Variants in ERICH4 observed in about 807,000 individuals in gnomAD.
The protein encoded by ERICH4 is glutamate-rich protein 4.
In ERICH4, 4 loss-of-function variants were observed where a neutral mutation model predicts 5.2. The observed-to-expected ratio is 0.77, with a 90% CI of 0.38 to 1.76. The LOEUF (loss-of-function observed/expected upper bound fraction) is 1.76, where lower values mean the gene tolerates loss of function less well. Ranked by LOEUF, ERICH4 falls within the 40% of genes most tolerant of loss-of-function variation. The pLI, the probability that ERICH4 is intolerant of heterozygous loss-of-function variation, is 0.04. For synonymous variants in ERICH4, 75 were observed against 68.7 expected, an observed-to-expected ratio of 1.09 and a Z score of -0.45; for missense variants, 164 against 159.8, an observed-to-expected ratio of 1.03 and a Z score of -0.14.
chr19:41,444,485 G>A lies in ERICH4; in HGVS notation c.*261G>A. ...GCTTTCGCAGATGAGCCTCAGGTGTGCTGCTGAGATGGGGATCTCTGCAAA... is the reference window on the plus strand; with the variant it reads ...GCTTTCGCAGATGAGCCTCAGGTGTACTGCTGAGATGGGGATCTCTGCAAA... On this transcript the variant is annotated 3_prime_UTR_variant, in exon 2 of 2. Transcript: ENST00000378187. 1.9e-6 allele frequency: 1 copy of A among 535,168 alleles called. No individual in the cohort carries two copies. Among genetic ancestry groups the A allele is most frequent in the Non-Finnish European group, 3.4e-6 (1 of 296,216 alleles). The allele number at this position is 535,168 out of a possible 1,614,324, so 33.2% of individuals were successfully genotyped here. A position where few individuals can be genotyped will look rare whatever the true frequency, so the allele number is the denominator to read the frequency against.
At position 41,443,252 on chromosome 19, in the gene ERICH4, C is replaced by T. The variant is rs1678887489; in HGVS notation, c.83C>T (p.Ser28Phe). 2 of 1,436,454 alleles carry T rather than the reference C, an allele frequency of 1.4e-6. No individual in the cohort carries two copies. Among genetic ancestry groups the T allele is most frequent in the Non-Finnish European group, 9.2e-7 (1 of 1,089,032 alleles). 89.0% of individuals were successfully genotyped at this position (1,436,454 alleles called of 1,614,324 possible). ...GPPPQALREV[S>F]PVEIPGQTLR... ...CCCCCCCAGGCCCTGAGGGAGGTCT[C>T]CCCAGTGGAAATCCCTGGTCAGACC... Residue 28 changes from serine (S) to phenylalanine (F), a missense_variant, in exon 1 of 2, where the codon TCC becomes TTC. Coordinates refer to ENST00000378187, the MANE Select transcript of ERICH4 (RefSeq NM_001130514.3).
At position 41,443,234 on chromosome 19, in the gene ERICH4, A is replaced by T; in HGVS notation, c.65A>T (p.Gln22Leu). 1.4e-6 allele frequency: 2 copies of T among 1,460,706 alleles called. No homozygotes were observed. The highest frequency in any genetic ancestry group is 1.8e-6 in the Non-Finnish European group (2 of 1,102,486). 90.5% of individuals were successfully genotyped at this position (1,460,706 alleles called of 1,614,324 possible). ...LVPPGLGPPP[Q>L]ALREVSPVEI... ...CCTCCGGGGCTGGGCCCACCCCCCC[A>T]GGCCCTGAGGGAGGTCTCCCCAGTG... The change falls in exon 1 of 2, where the codon CAG becomes CTG. Residue 22 changes from glutamine to leucine, a missense_variant. Gln to Leu is a moderately radical substitution (Grantham distance 113). Coordinates refer to ENST00000378187, the MANE Select transcript of ERICH4 (RefSeq NM_001130514.3).
At chr19:41,443,889 G>T (rs59910131) in intron 1 of ERICH4, 117 bp from the exon 2 acceptor site, 30,323 of 700,892 alleles carry the variant, frequency 0.043, 1,364 homozygotes, top group African/African-American at 0.19. Flanking sequence ...GCACAGTGAG[G>T]ACCCTGCCCA....
chr19:41,443,816 CAAAG>C, intron 1 of ERICH4, 186 bp from the exon 2 acceptor site: 1 of 585,878 alleles, frequency 1.7e-6, no homozygotes, highest in Non-Finnish European at 3.0e-6. Flanking sequence ...AATGGAGAGA[CAAAG>C]AGAAGAGTTA....
In ERICH4 at chr19:41,443,985, ACGT is replaced by A; in HGVS notation, c.175-19_175-17del. On this transcript the variant is annotated intron_variant, in intron 1 of 1. Transcript: ENST00000378187. ...TGCTCTCTGGGGTGGCATCCCTGTG[ACGT>A]CCCCTTCCTACTGGCAGGGGAACCT... is the stretch of plus-strand genomic sequence containing the variant. 6.5e-7 allele frequency: 1 copy of A among 1,541,538 alleles called. No homozygotes were observed. The highest frequency in any genetic ancestry group is 1.2e-5 in the South Asian group (1 of 83,590).
chr19:41,443,729 G>A (rs2040138762), intron 1 of ERICH4, among the ~76,000 whole-genome samples: 1 of 152,126 alleles, frequency 6.6e-6, no homozygotes, highest in Non-Finnish European at 1.5e-5. Context: ...AATAAATGGG[G>A]ACAGAGACAA....
In ERICH4 at chr19:41,443,219, T is replaced by G; in HGVS notation, c.50T>G (p.Leu17Arg). The change falls in exon 1 of 2, where the codon CTG becomes CGG. Residue 17 changes from leucine to arginine, a missense_variant. Transcript: ENST00000378187. ...LNQAGLVPPG[L>R]GPPPQALREV... ...CAGGCTGGACTGGTGCCTCCGGGGC[T>G]GGGCCCACCCCCCCAGGCCCTGAGG... 1 of 1,478,414 alleles carries G rather than the reference T, an allele frequency of 6.8e-7. No homozygotes were observed. Among genetic ancestry groups the G allele is most frequent in the East Asian group, 2.8e-5 (1 of 35,370 alleles). 91.6% of individuals were successfully genotyped at this position (1,478,414 alleles called of 1,614,324 possible).
At position 41,443,309 on chromosome 19, in the gene ERICH4, CCTGCGATAG is replaced by C; in HGVS notation, c.141_149del (p.Cys48_Ser50del). ...ACTGCAGGGGCAGACACTGGAGGTG[CCTGCGATAG>C]TCTGCTGTGGATCAGGGAGGAGCTG... On this transcript the variant is annotated inframe_deletion, in exon 1 of 2. Transcript: ENST00000378187. The C allele has an allele frequency of 7.6e-7, 1 of 1,316,284 alleles. No homozygotes were observed. The highest frequency in any genetic ancestry group is 9.8e-7 in the Non-Finnish European group (1 of 1,021,432). The allele number at this position is 1,316,284 out of a possible 1,614,324, so 81.5% of individuals were successfully genotyped here.
At position 41,443,168 on chromosome 19, in the gene ERICH4, C is replaced by T. The variant is rs782775657; in HGVS notation, c.-2C>T. 2.0e-5 allele frequency: 29 copies of T among 1,460,900 alleles called. No individual in the cohort carries two copies. In the African/African-American group the frequency reaches 2.3e-4, roughly 12 times the overall value. The allele number at this position is 1,460,900 out of a possible 1,614,324, so 90.5% of individuals were successfully genotyped here. A position where few individuals can be genotyped will look rare whatever the true frequency, so the allele number is the denominator to read the frequency against. Reference sequence around the variant, plus strand: ...GCTCCTTGCAGCCATAGCTCAGAGACGATGGAACTGTGGAGGCAGCTGAAT... The same window carrying T: ...GCTCCTTGCAGCCATAGCTCAGAGATGATGGAACTGTGGAGGCAGCTGAAT... On this transcript the variant is annotated 5_prime_UTR_variant, in exon 1 of 2. It adds an upstream start codon to the 5' untranslated region. Coordinates refer to ENST00000378187, the MANE Select transcript of ERICH4 (RefSeq NM_001130514.3).
intron 1 of ERICH4, 24 bp downstream of exon 1, chr19:41,443,367 AAG>A (rs1555773443): frequency 1.6e-5 from 21 of 1,290,768 alleles, no homozygotes; most frequent in Non-Finnish European, 1.9e-5. Flanking sequence ...TTGGAAGGGA[AAG>A]AGAAAGAGAG....
chr19:41,443,890 A>C, intron 1 of ERICH4, 116 bp from the exon 2 acceptor site: 2 of 709,044 alleles, frequency 2.8e-6, no homozygotes, highest in Non-Finnish European at 4.7e-6. Flanking sequence ...CACAGTGAGG[A>C]CCCTGCCCAG....
chr19:41,444,163 A>C lies in ERICH4; in HGVS notation c.332A>C (p.Glu111Ala). 1.3e-6 allele frequency: 2 copies of C among 1,552,184 alleles called. No homozygotes were observed. Among genetic ancestry groups the C allele is most frequent in the Non-Finnish European group, 1.7e-6 (2 of 1,147,092 alleles). Residue 111 changes from glutamate to alanine, a missense_variant, in exon 2 of 2, where the codon GAG (glutamate) becomes GCG (alanine). By Grantham distance (107) the Glu-to-Ala change is moderately radical (BLOSUM62 -1). Transcript: ENST00000378187. ...EEDQEPQRKQ[E>A]EEHLEACPAP... ...GATCAAGAGCCCCAGAGGAAGCAGG[A>C]GGAGGAACACCTGGAGGCCTGCCCA... is the stretch of plus-strand genomic sequence containing the variant.
In ERICH4 at chr19:41,444,331, T is replaced by TAA; in HGVS notation, c.*108_*109insAA. On this transcript the variant is annotated 3_prime_UTR_variant, in exon 2 of 2. Transcript: ENST00000378187. ...AGATGTGGAATCAAGTATACCCCTT[T>TAA]AGTAAGTGCTTTCTCTGAAGGTGCC... 1 of 1,204,966 alleles carries TAA rather than the reference T, an allele frequency of 8.3e-7. No homozygotes were observed. The highest frequency in any genetic ancestry group is 1.2e-6 in the Non-Finnish European group (1 of 843,178). 74.6% of individuals were successfully genotyped at this position (1,204,966 alleles called of 1,614,324 possible).
In ERICH4 at chr19:41,444,492, A is replaced by T; in HGVS notation, c.*268A>T. On this transcript the variant is annotated 3_prime_UTR_variant, in exon 2 of 2. Coordinates refer to ENST00000378187, the MANE Select transcript of ERICH4 (RefSeq NM_001130514.3). ...CAGATGAGCCTCAGGTGTGCTGCTGAGATGGGGATCTCTGCAAATATGCTG... is the reference window on the plus strand; with the variant it reads ...CAGATGAGCCTCAGGTGTGCTGCTGTGATGGGGATCTCTGCAAATATGCTG... 1 of 523,278 alleles carries T rather than the reference A, an allele frequency of 1.9e-6. No individual in the cohort carries two copies. The highest frequency in any genetic ancestry group is 2.1e-5 in the South Asian group (1 of 48,408). The allele number at this position is 523,278 out of a possible 1,614,324, so 32.4% of individuals were successfully genotyped here. A position where few individuals can be genotyped will look rare whatever the true frequency, so the allele number is the denominator to read the frequency against.
Position 41,444,102 on chromosome 19 carries a change from G to A in ERICH4, c.271G>A (p.Glu91Lys). 1 of 1,542,596 alleles carries A rather than the reference G, an allele frequency of 6.5e-7. No individual in the cohort carries two copies. Among genetic ancestry groups the A allele is most frequent in the Non-Finnish European group, 8.8e-7 (1 of 1,140,076 alleles). The change falls in exon 2 of 2, where the codon GAG becomes AAG. Residue 91 changes from glutamate to lysine, a missense_variant. Glu to Lys is a moderately conservative substitution (Grantham distance 56). Coordinates refer to ENST00000378187, the MANE Select transcript of ERICH4 (RefSeq NM_001130514.3). ...GCGGGAGGAACTGGTCACCATATTG[G>A]AGGAGGAGGAGGAGAGCAGCAAGGA... ...ALREELVTILEEEEESSKEEE... is the reference protein window; with the variant it reads ...ALREELVTILKEEEESSKEEE...
Position 41,444,189 on chromosome 19 carries a change from G to A in ERICH4, c.358G>A (p.Ala120Thr), listed in dbSNP as rs1555773576. ...GGAGGAACACCTGGAGGCCTGCCCA[G>A]CCCCACATCCACCTGACTTTGAGAT... Reference protein sequence around the residue: ...QEEEHLEACPAPHPPDFEMMI With the variant: ...QEEEHLEACPTPHPPDFEMMI Residue 120 changes from alanine to threonine, a missense_variant, in exon 2 of 2, where the codon GCC becomes ACC. By Grantham distance (58) the Ala-to-Thr change is moderately conservative. Transcript: ENST00000378187. 6.4e-7 allele frequency: 1 copy of A among 1,552,252 alleles called. No homozygotes were observed. Among genetic ancestry groups the A allele is most frequent in the Middle Eastern group, 1.7e-4 (1 of 5,998 alleles).
At chr19:41,443,482 C>CGA in intron 1 of ERICH4, 139 bp downstream of exon 1, 1 of 680,254 alleles carries the variant, frequency 1.5e-6, no homozygotes. Flanking sequence ...GTACAGACAC[C>CGA]GAGAGACAGA....
chr19:41,444,165 G>A lies in ERICH4; in HGVS notation c.334G>A (p.Glu112Lys). The A allele has an allele frequency of 6.4e-7, 1 of 1,552,160 alleles. No homozygotes were observed. Among genetic ancestry groups the A allele is most frequent in the East Asian group, 2.4e-5 (1 of 40,926 alleles). ...EDQEPQRKQE[E>K]EHLEACPAPH... ...TCAAGAGCCCCAGAGGAAGCAGGAG[G>A]AGGAACACCTGGAGGCCTGCCCAGC... The change falls in exon 2 of 2, where the codon GAG becomes AAG. Residue 112 changes from glutamate (E) to lysine (K), a missense_variant. Coordinates refer to ENST00000378187, the MANE Select transcript of ERICH4 (RefSeq NM_001130514.3).
Position 41,443,277 on chromosome 19 carries a change from C to A in ERICH4, c.108C>A (p.Thr36=). 2 of 1,388,966 alleles carry A rather than the reference C, an allele frequency of 1.4e-6. No homozygotes were observed. Among genetic ancestry groups the A allele is most frequent in the Non-Finnish European group, 1.9e-6 (2 of 1,061,326 alleles). 86.0% of individuals were successfully genotyped at this position (1,388,966 alleles called of 1,614,324 possible). ...EVSPVEIPGQ[T]LRTAGADTGG... is the part of the protein sequence containing the mutation. ...CCCCAGTGGAAATCCCTGGTCAGACCCTCAGGACTGCAGGGGCAGACACTG... is the reference window on the plus strand; with the variant it reads ...CCCCAGTGGAAATCCCTGGTCAGACACTCAGGACTGCAGGGGCAGACACTG... Residue 36 remains threonine (T), a synonymous_variant, in exon 1 of 2, where the codon ACC becomes ACA. Transcript: ENST00000378187.
Sources: allele counts gnomAD v4.1 joint callset (sites outside exome capture counted in the v4.1 genomes callset), GRCh38; gene constraint gnomAD v4.1.1; transcripts MANE v1.5; gene names NCBI Gene and HGNC (gene_info 2026-07-23, HGNC 2026-07-21).